MEI1: variants seen among roughly 807,000 people sequenced by gnomAD.
MEI1 encodes meiosis inhibitor protein 1.
MEI1 carries 103 observed loss-of-function variants against 146.2 expected under a neutral mutation model. That is an observed-to-expected ratio of 0.70 (90% CI 0.60 to 0.83). The LOEUF (loss-of-function observed/expected upper bound fraction) is 0.83, where lower values mean the gene tolerates loss of function less well. Ranked by LOEUF, MEI1 falls within the 40% of genes least tolerant of loss-of-function variation. The pLI is 0.00. For missense variants in MEI1, 1,529 were observed against 1,533.0 expected (o/e 1.00, Z 0.04); for synonymous variants, 652 against 628.2 (o/e 1.04, Z -0.57).
At chr22:41,754,957 C>T (rs1409855726) in intron 17 of MEI1, among the ~76,000 whole-genome samples, 6 of 152,086 alleles carry the variant, frequency 3.9e-5, no homozygotes, top group Non-Finnish European at 4.4e-5. Flanking sequence ...TCAGGGAAGG[C>T]CTCCATGTGG....
At chr22:41,787,388 A>G (rs1469787229) in intron 26 of MEI1, among the ~76,000 whole-genome samples, 1 of 152,142 alleles carries the variant, frequency 6.6e-6, no homozygotes, top group East Asian at 1.9e-4. Flanking sequence ...ACATTTTATT[A>G]TACTTGCTTA....
intron 17 of MEI1, 55 bp from the exon 18 acceptor site, chr22:41,758,310 T>C: frequency 3.2e-6 from 5 of 1,544,394 alleles, no homozygotes; most frequent in Non-Finnish European, 4.4e-6. Flanking sequence ...AATGTGCTGA[T>C]TACCTGTTCT....
At chr22:41,759,656 TAA>T (rs1555970681) in intron 18 of MEI1, among the ~76,000 whole-genome samples, 2 of 131,752 alleles carry the variant, frequency 1.5e-5, no homozygotes, top group Non-Finnish European at 3.3e-5. Flanking sequence ...AATAAATAAA[TAA>T]ATAAAAATAA....
chr22:41,772,663 T>G (rs565172787), intron 20 of MEI1, among the ~76,000 whole-genome samples: 1 of 152,326 alleles, frequency 6.6e-6, no homozygotes, highest in East Asian at 1.9e-4. Flanking sequence ...TTAGAGAGAT[T>G]TGCCCATGGT....
intron 17 of MEI1, among the ~76,000 whole-genome samples, chr22:41,756,587 C>T (rs12160430): frequency 2.6e-5 from 4 of 152,042 alleles, no homozygotes; most frequent in Non-Finnish European, 5.9e-5. Context: ...AATTCTCCTG[C>T]GTCAGCTTCC....
chr22:41,739,350 C>T (rs1437402492), intron 11 of MEI1, among the ~76,000 whole-genome samples: 2 of 151,890 alleles, frequency 1.3e-5, no homozygotes, highest in Non-Finnish European at 2.9e-5. Context: ...ATTTCTTGTT[C>T]CCTCAACTTG....
intron 22 of MEI1, among the ~76,000 whole-genome samples, chr22:41,779,867 C>G (rs1252684567): frequency 1.3e-5 from 2 of 152,178 alleles, no homozygotes; most frequent in Non-Finnish European, 2.9e-5. Context: ...CATCACTTCA[C>G]AGGCAGCACC....
intron 19 of MEI1, among the ~76,000 whole-genome samples, chr22:41,764,837 G>A (rs1006258148): frequency 3.3e-5 from 5 of 152,164 alleles, no homozygotes; most frequent in Admixed American, 6.5e-5. Flanking sequence ...AACCAGAGGT[G>A]GTACTAAGGA....
At chr22:41,702,586 T>C (rs934285692) in intron 1 of MEI1, among the ~76,000 whole-genome samples, 1 of 151,890 alleles carries the variant, frequency 6.6e-6, no homozygotes, top group Non-Finnish European at 1.5e-5. Context: ...GCTGGGGATA[T>C]AGGCATGCGC....
intron 8 of MEI1, 145 bp from the exon 9 acceptor site, chr22:41,730,376 T>C: frequency 1.7e-6 from 1 of 591,066 alleles, no homozygotes. Context: ...ATTAGTGGAT[T>C]GATGATCATG....
intron 5 of MEI1, 82 bp from the exon 6 acceptor site, chr22:41,717,989 C>T (rs915357103): frequency 3.5e-6 from 4 of 1,154,232 alleles, no homozygotes; most frequent in South Asian, 3.1e-5. Flanking sequence ...ATTACTACCC[C>T]GTTAGGAATA....
intron 21 of MEI1, among the ~76,000 whole-genome samples, chr22:41,777,244 G>T (rs191783376): frequency 6.7e-6 from 1 of 149,438 alleles, no homozygotes; most frequent in Non-Finnish European, 1.5e-5. Context: ...CAACCTTCAC[G>T]TCCTGGGTTC....
chr22:41,773,597 C>T (rs959041339), intron 20 of MEI1, among the ~76,000 whole-genome samples: 2 of 149,354 alleles, frequency 1.3e-5, no homozygotes, highest in African/African-American at 2.5e-5. Flanking sequence ...GCAAGGAGGC[C>T]GGGCGCGGTG....
intron 26 of MEI1, among the ~76,000 whole-genome samples, chr22:41,791,356 C>A (rs1205591344): frequency 6.6e-6 from 1 of 152,140 alleles, no homozygotes; most frequent in Non-Finnish European, 1.5e-5. Context: ...GACGTGGTGG[C>A]ACATGCCTGT....
At chr22:41,712,696 G>GTGTGTGTGTC (rs1364259033) in intron 3 of MEI1, among the ~76,000 whole-genome samples, 4 of 150,762 alleles carry the variant, frequency 2.7e-5, no homozygotes, top group African/African-American at 9.8e-5. Flanking sequence ...GTGTGTGTGT[G>GTGTGTGTGTC]TGTGTGGAGC....
At chr22:41,763,082 G>A (rs2074605288) in intron 18 of MEI1, 92 bp from the exon 19 acceptor site, 17 of 1,436,880 alleles carry the variant, frequency 1.2e-5, no homozygotes, top group Non-Finnish European at 1.6e-5. Context: ...GGGCAGGACA[G>A]TGGGCTGAGG....
Position 41,798,116 on chromosome 22 carries a change from A to AACACACAC in MEI1, c.3780-1090_3780-1083dup, listed in dbSNP as rs60766866. ...AGTTGGTTCAAGTGATCCTCAGCCC[A>AACACACAC]ACACACACACACACACACACACACA... On this transcript the variant is annotated intron_variant, in intron 30 of 30. Coordinates refer to ENST00000401548, the MANE Select transcript of MEI1 (RefSeq NM_152513.4). Among the ~76,000 whole-genome samples, 225 of 135,912 alleles carry AACACACAC rather than the reference A, an allele frequency of 1.7e-3. 2 individuals carry two copies. The highest frequency in any genetic ancestry group is 0.011 in the East Asian group (46 of 4,190). 89.2% of individuals were successfully genotyped at this position (135,912 alleles called of 152,430 possible).
intron 7 of MEI1, among the ~76,000 whole-genome samples, chr22:41,726,481 CTG>C (rs1188117805): frequency 6.6e-6 from 1 of 152,118 alleles, no homozygotes; most frequent in Non-Finnish European, 1.5e-5. Context: ...AATCACAAAA[CTG>C]AAGTGTAATG....
At chr22:41,785,971 C>T (rs1393173778) in intron 26 of MEI1, among the ~76,000 whole-genome samples, 5 of 130,080 alleles carry the variant, frequency 3.8e-5, no homozygotes, top group African/African-American at 2.9e-5. Flanking sequence ...AGTGCAGTGG[C>T]GCGATCTCGG....
Sources: gnomAD v4.1 joint callset for allele counts (sites outside exome capture counted in the v4.1 genomes callset) on GRCh38, gnomAD v4.1.1 for gene constraint, MANE v1.5 for transcripts, NCBI Gene and HGNC (gene_info 2026-07-23, HGNC 2026-07-21) for gene names.